KIF13B: variants seen among roughly 807,000 people sequenced by gnomAD.
The protein encoded by KIF13B is kinesin-like protein KIF13B.
Under a neutral mutation model 222.0 loss-of-function variants are expected in KIF13B, and 127 were observed. The observed-to-expected ratio is 0.57, with a 90% CI of 0.50 to 0.66. The LOEUF (loss-of-function observed/expected upper bound fraction) is 0.66. Ranked by LOEUF, KIF13B falls within the 30% of genes least tolerant of loss-of-function variation. The pLI is 0.00. For synonymous variants in KIF13B, 976 were observed against 919.0 expected (o/e 1.06, Z -1.12); for missense variants, 2,173 against 2,379.0 (o/e 0.91, Z 1.80).
chr8:29,157,830 C>CAA (rs901426407), intron 13 of KIF13B, among the ~76,000 whole-genome samples: 480 of 94,044 alleles, frequency 5.1e-3, no homozygotes, highest in African/African-American at 0.018. Context: ...GACCCTGCCT[C>CAA]AAAAAAAAAA....
intron 2 of KIF13B, among the ~76,000 whole-genome samples, chr8:29,228,472 A>AAAAAAAAAAAAAAAAAATAT: frequency 8.5e-6 from 1 of 117,084 alleles, no homozygotes; most frequent in Non-Finnish European, 1.8e-5. Context: ...ATCTTAAAAA[A>AAAAAAAAAAAAAAAAAATAT]ATATATATAT....
rs752648287 is a variant in KIF13B at position 29,092,798 on chromosome 8, A to G, written c.4405T>C (p.Phe1469Leu). The change falls in exon 37 of 40, where the codon TTT (phenylalanine) becomes CTT (leucine). Residue 1469 changes from phenylalanine (F) to leucine (L), a missense_variant. Phe to Leu is a conservative substitution (Grantham distance 22, BLOSUM62 0). Transcript: ENST00000524189. ...PQMPKLLKSL[F>L]PVRDEKRGKR... ...CCCCTCTTCTCATCGCGGACGGGAA[A>G]GAGAGACTTGAGGAGCTTTGGCATT... 1.9e-6 allele frequency: 3 copies of G among 1,613,494 alleles called. No homozygotes were observed. Among genetic ancestry groups the G allele is most frequent in the East Asian group, 4.5e-5 (2 of 44,894 alleles).
chr8:29,188,790 A>C (rs1813054765), intron 4 of KIF13B, among the ~76,000 whole-genome samples, 183 bp from the exon 5 acceptor site: 3 of 152,246 alleles, frequency 2.0e-5, no homozygotes, highest in Non-Finnish European at 4.4e-5. Context: ...TTAGCACATG[A>C]GGGAAAATCA....
intron 22 of KIF13B, 81 bp downstream of exon 22, chr8:29,133,959 G>C: frequency 7.4e-7 from 1 of 1,349,270 alleles, no homozygotes. Flanking sequence ...GGCACATTTA[G>C]TCAAAGAAAC....
At position 29,083,914 on chromosome 8, in the gene KIF13B, TTTTG is replaced by T. The variant is rs915444588; in HGVS notation, c.4459-8575_4459-8572del. Among the ~76,000 whole-genome samples the T allele has an allele frequency of 1.1e-4, 17 of 152,132 alleles. No individual in the cohort carries two copies. In the East Asian group the frequency reaches 1.7e-3, roughly 16 times the overall value. On this transcript the variant is annotated intron_variant, in intron 37 of 39. Coordinates refer to ENST00000524189, the MANE Select transcript of KIF13B (RefSeq NM_015254.4). ...GCTGGGAACAAGGCCTAGATGTGTTTTTTGTTTGTTTGTTTTTTAAGACGGAGTT... is the reference window on the plus strand; with the variant it reads ...GCTGGGAACAAGGCCTAGATGTGTTTTTTGTTTGTTTTTTAAGACGGAGTT...
chr8:29,084,855 A>C (rs1248855679), intron 37 of KIF13B, among the ~76,000 whole-genome samples: 1 of 152,242 alleles, frequency 6.6e-6, no homozygotes, highest in East Asian at 1.9e-4. Flanking sequence ...GCAGTTCATT[A>C]TTTTCCAGAT....
At chr8:29,139,928 T>C in intron 21 of KIF13B, 135 bp downstream of exon 21, 1 of 762,510 alleles carries the variant, frequency 1.3e-6, no homozygotes, top group Non-Finnish European at 2.1e-6. Context: ...ATACTTACCA[T>C]CTAAAGACCT....
In KIF13B at chr8:29,206,167, G is replaced by C. The variant is rs138395868; in HGVS notation, c.150-9968C>G. Among the ~76,000 whole-genome samples the C allele has an allele frequency of 2.7e-3, 416 of 152,228 alleles. 1 individual carries two copies. The highest frequency in any genetic ancestry group is 9.5e-3 in the African/African-American group (396 of 41,542). On this transcript the variant is annotated intron_variant, in intron 2 of 39. Transcript: ENST00000524189. ...GATAGGGGCATGGTGGCTTATGTCTGTAATCCCAGCACTTTCGGAGGCCAA... is the reference window on the plus strand; with the variant it reads ...GATAGGGGCATGGTGGCTTATGTCTCTAATCCCAGCACTTTCGGAGGCCAA...
intron 2 of KIF13B, among the ~76,000 whole-genome samples, chr8:29,213,793 A>AT (rs1814344421): frequency 1.3e-5 from 2 of 150,002 alleles, no homozygotes; most frequent in Admixed American, 1.3e-4. Context: ...TACTAAAAAT[A>AT]CAAAAAAAAA....
At chr8:29,215,436 C>T (rs974292008) in intron 2 of KIF13B, among the ~76,000 whole-genome samples, 2 of 152,146 alleles carry the variant, frequency 1.3e-5, no homozygotes, top group African/African-American at 4.8e-5. Flanking sequence ...AACTATAATG[C>T]CAGCACTTTA....
intron 10 of KIF13B, among the ~76,000 whole-genome samples, chr8:29,168,006 T>C (rs1240775509): frequency 6.6e-6 from 1 of 152,218 alleles, no homozygotes; most frequent in African/African-American, 2.4e-5. Context: ...CACAACCCCC[T>C]GTACTGGGAG....
chr8:29,195,820 G>C (rs1813393215), intron 3 of KIF13B, among the ~76,000 whole-genome samples: 1 of 152,208 alleles, frequency 6.6e-6, no homozygotes, highest in African/African-American at 2.4e-5. Context: ...GAGGCGGCTT[G>C]AGGCCGCGCA....
At chr8:29,089,097 G>A (rs1398257835) in intron 37 of KIF13B, among the ~76,000 whole-genome samples, 2 of 152,134 alleles carry the variant, frequency 1.3e-5, no homozygotes, top group Non-Finnish European at 2.9e-5. Context: ...CCTCTAAGCT[G>A]TAAACACAGT....
chr8:29,259,777 A>T (rs1426892414), intron 1 of KIF13B, among the ~76,000 whole-genome samples: 1 of 152,244 alleles, frequency 6.6e-6, no homozygotes, highest in African/African-American at 2.4e-5. Flanking sequence ...TTATCTGTTT[A>T]GCTGTACAGT....
chr8:29,170,772 G>A (rs751786795), intron 10 of KIF13B, among the ~76,000 whole-genome samples: 4 of 152,152 alleles, frequency 2.6e-5, no homozygotes, highest in East Asian at 1.9e-4. Context: ...TAAGTCACAC[G>A]CCATTAAAGA....
intron 2 of KIF13B, among the ~76,000 whole-genome samples, chr8:29,206,949 G>A (rs1196017965): frequency 2.6e-5 from 4 of 152,208 alleles, no homozygotes; most frequent in South Asian, 2.1e-4. Flanking sequence ...AGTGGGCCAT[G>A]TGGCTGATGG....
chr8:29,145,186 TAC>T (rs1195015198), intron 18 of KIF13B, among the ~76,000 whole-genome samples: 3 of 152,310 alleles, frequency 2.0e-5, no homozygotes, highest in Admixed American at 6.5e-5. Flanking sequence ...ATTTTCAAAA[TAC>T]ACACAGAGTA....
chr8:29,122,672 C>G (rs1178084317), intron 28 of KIF13B, 26 bp from the exon 29 acceptor site: 2 of 1,589,090 alleles, frequency 1.3e-6, no homozygotes, highest in Non-Finnish European at 1.7e-6. Flanking sequence ...CAAATGGCAT[C>G]TGCCTCAGGT....
chr8:29,116,819 C>T lies in KIF13B; in HGVS notation c.3837+12G>A. 6.3e-7 allele frequency: 1 copy of T among 1,582,568 alleles called. No homozygotes were observed. The highest frequency in any genetic ancestry group is 8.6e-7 in the Non-Finnish European group (1 of 1,158,382). On this transcript the variant is annotated intron_variant, in intron 31 of 39. Transcript: ENST00000524189. ...ACTGTGGTTAGAGTCGTTTCTTCCA[C>T]TGAAGACTAACCTGGCGGCCGTGAA...
Sources: gnomAD v4.1 joint callset for allele counts (sites outside exome capture counted in the v4.1 genomes callset) on GRCh38, gnomAD v4.1.1 for gene constraint, MANE v1.5 for transcripts, NCBI Gene and HGNC (gene_info 2026-07-23, HGNC 2026-07-21) for gene names.